Variants in CFAP299 observed in about 807,000 individuals in gnomAD.
CFAP299 encodes the protein cilia- and flagella-associated protein 299.
Under a neutral mutation model 27.0 loss-of-function variants are expected in CFAP299, and 21 were observed. The ratio of observed to expected loss-of-function variants is 0.78; its 90% CI spans 0.55 to 1.12. The LOEUF is 1.12. CFAP299 is among the 50% of genes most tolerant of loss of function. The probability of loss-of-function intolerance (pLI) is 0.00; values close to 1 mark genes in which losing one functional copy is unlikely to be tolerated. For synonymous variants in CFAP299, 104 were observed against 98.1 expected (o/e 1.06, Z -0.36); for missense variants, 310 against 276.6 (o/e 1.12, Z -0.86).
chr4:80,584,045 T>G (rs1287251503), intron 3 of CFAP299, among the ~76,000 whole-genome samples: 1 of 151,788 alleles, frequency 6.6e-6, no homozygotes, highest in Admixed American at 6.6e-5. Flanking sequence ...GAGAAAAAAA[T>G]CATACCATGT....
At chr4:80,804,955 A>G (rs1728790653) in intron 3 of CFAP299, among the ~76,000 whole-genome samples, 1 of 151,686 alleles carries the variant, frequency 6.6e-6, no homozygotes, top group South Asian at 2.1e-4. Context: ...CATTTTTTGC[A>G]TTACTGTCTT....
At chr4:80,785,460 T>C (rs986891211) in intron 3 of CFAP299, among the ~76,000 whole-genome samples, 2 of 152,160 alleles carry the variant, frequency 1.3e-5, no homozygotes, top group African/African-American at 4.8e-5. Context: ...TCTATTTTCA[T>C]GGCCAGAATT....
At chr4:80,388,680 C>G (rs564537529) in intron 2 of CFAP299, 1 of 986,912 alleles carries the variant, frequency 1.0e-6, no homozygotes, top group Admixed American at 1.7e-5. Flanking sequence ...GTCTGGTTGT[C>G]CATTCCCTCC....
At chr4:80,799,441 T>TA (rs1728128840) in intron 3 of CFAP299, among the ~76,000 whole-genome samples, 2 of 92,158 alleles carry the variant, frequency 2.2e-5, no homozygotes, top group Non-Finnish European at 3.7e-5. Context: ...ATATATAATA[T>TA]TTATAAAATA....
At chr4:80,942,749 T>C (rs1737263601) in intron 4 of CFAP299, among the ~76,000 whole-genome samples, 1 of 152,142 alleles carries the variant, frequency 6.6e-6, no homozygotes, top group African/African-American at 2.4e-5. Flanking sequence ...GACTCAAGTA[T>C]TTTGGTAGAA....
chr4:80,549,387 A>G (rs1363030213), intron 2 of CFAP299, among the ~76,000 whole-genome samples: 1 of 152,194 alleles, frequency 6.6e-6, no homozygotes, highest in Non-Finnish European at 1.5e-5. Flanking sequence ...AGAGTGAAAA[A>G]GAAGGCAGTA....
At chr4:80,787,174 C>T (rs995350924) in intron 3 of CFAP299, among the ~76,000 whole-genome samples, 3 of 149,334 alleles carry the variant, frequency 2.0e-5, no homozygotes, top group African/African-American at 7.3e-5. Flanking sequence ...GCGATAATGT[C>T]TTATCTCCTG....
intron 3 of CFAP299, among the ~76,000 whole-genome samples, chr4:80,706,298 T>C (rs1465405370): frequency 6.6e-6 from 1 of 151,616 alleles, no homozygotes; most frequent in African/African-American, 2.4e-5. Flanking sequence ...TTAAAACAAA[T>C]GAGGATGTTC....
chr4:80,869,783 A>G (rs1184528394), intron 3 of CFAP299, among the ~76,000 whole-genome samples: 2 of 152,186 alleles, frequency 1.3e-5, no homozygotes, highest in Non-Finnish European at 2.9e-5. Context: ...AAGTGCTGGG[A>G]TTACAGGCGT....
intron 4 of CFAP299, among the ~76,000 whole-genome samples, chr4:80,881,879 A>G (rs1733721788): frequency 1.3e-5 from 2 of 152,200 alleles, no homozygotes; most frequent in Non-Finnish European, 1.5e-5. Flanking sequence ...GATGAAATGT[A>G]TGAGAAATTC....
At chr4:80,858,319 T>C (rs1440965418) in intron 3 of CFAP299, among the ~76,000 whole-genome samples, 2 of 152,076 alleles carry the variant, frequency 1.3e-5, no homozygotes, top group East Asian at 3.9e-4. Flanking sequence ...TTAGTCTTGC[T>C]AGCGGTCTAT....
In CFAP299 at chr4:80,517,392, G is replaced by T. The variant is rs142226523; in HGVS notation, c.243-65701G>T. Reference sequence around the variant, plus strand: ...GTTCATAAGTATATTCCAAACCATGGGAAGAGAAATTACCCTTACCTGGGA... The same window carrying T: ...GTTCATAAGTATATTCCAAACCATGTGAAGAGAAATTACCCTTACCTGGGA... On this transcript the variant is annotated intron_variant, in intron 2 of 5. Coordinates refer to ENST00000358105, the MANE Select transcript of CFAP299 (RefSeq NM_152770.3). Among the ~76,000 whole-genome samples the T allele has an allele frequency of 4.7e-4, 72 of 152,192 alleles. No homozygotes were observed. The East Asian group carries it at 0.013, about 27-fold the overall frequency.
chr4:80,888,590 C>T (rs899373513), intron 4 of CFAP299, among the ~76,000 whole-genome samples: 5 of 151,954 alleles, frequency 3.3e-5, no homozygotes, highest in African/African-American at 9.7e-5. Context: ...AAGGAAACAT[C>T]GGACTTAACC....
At chr4:80,720,264 T>A (rs1415276473) in intron 3 of CFAP299, among the ~76,000 whole-genome samples, 1 of 152,070 alleles carries the variant, frequency 6.6e-6, no homozygotes, top group Non-Finnish European at 1.5e-5. Context: ...AGAGAATGAA[T>A]TATCTGAAAG....
rs942918285 is a variant in CFAP299, at chr4:80,386,512, T to TCG, written c.242+23628_242+23629insCG. 2.2e-5 allele frequency: 32 copies of TCG among 1,469,938 alleles called. No homozygotes were observed. The South Asian group carries it at 2.8e-4, about 13-fold the overall frequency. 91.1% of individuals were successfully genotyped at this position (1,469,938 alleles called of 1,614,324 possible). Reference sequence around the variant, plus strand: ...GCTGCCCTCTTCTCGCGGGCGGTGGTGGGGGGGGGGGGTGCCGCCGGGTTT... The same window carrying TCG: ...GCTGCCCTCTTCTCGCGGGCGGTGGTCGGGGGGGGGGGGGTGCCGCCGGGTTT... On this transcript the variant is annotated intron_variant, in intron 2 of 5. Transcript: ENST00000358105.
chr4:80,400,698 G>T (rs892309718), intron 2 of CFAP299, among the ~76,000 whole-genome samples: 1 of 152,172 alleles, frequency 6.6e-6, no homozygotes, highest in Non-Finnish European at 1.5e-5. Flanking sequence ...AAGTAATACA[G>T]TAAATTTGTA....
chr4:80,656,587 G>A (rs1173507428), intron 3 of CFAP299, among the ~76,000 whole-genome samples: 1 of 152,082 alleles, frequency 6.6e-6, no homozygotes, highest in African/African-American at 2.4e-5. Flanking sequence ...AGTATTCCAT[G>A]GTGTATATGT....
chr4:80,581,455 T>TATAG (rs1553936111), intron 2 of CFAP299, among the ~76,000 whole-genome samples: 2 of 22,294 alleles, frequency 9.0e-5, no homozygotes, highest in African/African-American at 1.6e-4. Flanking sequence ...TTAAGTGAGA[T>TATAG]ATATATATAT....
intron 2 of CFAP299, among the ~76,000 whole-genome samples, chr4:80,556,449 G>A (rs967624977): frequency 6.6e-6 from 1 of 151,966 alleles, no homozygotes; most frequent in Non-Finnish European, 1.5e-5. Context: ...ATTAAGACGT[G>A]TAAGAACTTT....
Sources: allele counts gnomAD v4.1 joint callset (sites outside exome capture counted in the v4.1 genomes callset), GRCh38; gene constraint gnomAD v4.1.1; transcripts MANE v1.5; gene names NCBI Gene and HGNC (gene_info 2026-07-23, HGNC 2026-07-21).